The following TBRG1 variants were observed in gnomAD, a reference collection of about 807,000 sequenced individuals.
TBRG1 encodes transforming growth factor beta regulator 1.
Under a neutral mutation model 44.0 loss-of-function variants are expected in TBRG1, and 31 were observed. The ratio of observed to expected loss-of-function variants is 0.70; its 90% CI spans 0.53 to 0.95. TBRG1 has a LOEUF of 0.95. Ranked by LOEUF, TBRG1 falls within the 40% of genes least tolerant of loss-of-function variation. TBRG1 has a pLI of 0.00. For missense variants in TBRG1, 487 were observed against 496.1 expected (o/e 0.98, Z 0.18); for synonymous variants, 171 against 188.1 (o/e 0.91, Z 0.74).
intron 1 of TBRG1, among the ~76,000 whole-genome samples, chr11:124,624,714 C>T (rs1942419551): frequency 6.6e-6 from 1 of 152,098 alleles, no homozygotes; most frequent in Non-Finnish European, 1.5e-5. Context: ...TCAAAGATGT[C>T]CCGGATTGGA....
intron 1 of TBRG1, among the ~76,000 whole-genome samples, chr11:124,624,509 A>G (rs1388931404): frequency 6.6e-6 from 1 of 152,174 alleles, no homozygotes; most frequent in Non-Finnish European, 1.5e-5. Flanking sequence ...AAGTTTTTCA[A>G]GAGTTGAGGC....
At chr11:124,630,939 CCTT>C in intron 7 of TBRG1, 84 bp downstream of exon 7, 2 of 1,000,712 alleles carry the variant, frequency 2.0e-6, no homozygotes, top group Non-Finnish European at 3.1e-6. Context: ...TGTTCACTGA[CCTT>C]CTGTGTCCAA....
chr11:124,622,914 T>C lies in TBRG1; in HGVS notation c.-170T>C. ...TGGGAGGCGCCGGGAGCCCGTTCGG[T>C]TGCGGGTGTCTCTGGCCCTGCGGTC... is the stretch of plus-strand genomic sequence containing the variant. On this transcript the variant is annotated 5_prime_UTR_variant, in exon 1 of 9. Transcript: ENST00000441174. 2.9e-6 allele frequency: 2 copies of C among 679,474 alleles called. No individual in the cohort carries two copies. Among genetic ancestry groups the C allele is most frequent in the South Asian group, 4.2e-5 (2 of 47,292 alleles). 42.1% of individuals were successfully genotyped at this position (679,474 alleles called of 1,614,324 possible). A position where few individuals can be genotyped will look rare whatever the true frequency, so the allele number is the denominator to read the frequency against.
chr11:124,624,846 G>A, intron 1 of TBRG1, 85 bp from the exon 2 acceptor site: 3 of 951,968 alleles, frequency 3.2e-6, no homozygotes, highest in East Asian at 2.7e-5. Flanking sequence ...AGCTTTTTTG[G>A]TTTGAAATAT....
At chr11:124,625,319 G>C (rs1942440249) in intron 2 of TBRG1, among the ~76,000 whole-genome samples, 1 of 152,162 alleles carries the variant, frequency 6.6e-6, no homozygotes, top group South Asian at 2.1e-4. Context: ...AGTGATAAAA[G>C]CAACTGCCTC....
chr11:124,626,008 TCTC>T, intron 3 of TBRG1, 105 bp downstream of exon 3: 4 of 1,405,294 alleles, frequency 2.8e-6, no homozygotes, highest in African/African-American at 2.9e-5. Context: ...GTACTTAGAG[TCTC>T]ATCTGGTTCT....
rs969534213 is a variant in TBRG1, at chr11:124,635,473, T to G, written c.*3235T>G. The stretch of plus-strand genomic sequence containing the variant: ...GTAGAACTAAAGCAAAAACCATCAT[T>G]CACCCTACAGAGTATTATAAATTTC... On this transcript the variant is annotated 3_prime_UTR_variant, in exon 9 of 9. Coordinates refer to ENST00000441174, the MANE Select transcript of TBRG1 (RefSeq NM_032811.3). 9.2e-5 allele frequency: 14 copies of G among 152,164 alleles called. No homozygotes were observed. Among genetic ancestry groups the G allele is most frequent in the Non-Finnish European group, 1.6e-4 (11 of 68,026 alleles). 9.4% of individuals were successfully genotyped at this position (152,164 alleles called of 1,614,324 possible).
chr11:124,627,397 G>C (rs1002453009), intron 5 of TBRG1, among the ~76,000 whole-genome samples: 1 of 152,166 alleles, frequency 6.6e-6, no homozygotes, highest in African/African-American at 2.4e-5. Flanking sequence ...TTTCAAGTTG[G>C]ACCAAGATGG....
At chr11:124,628,095 A>ATATATG (rs1942518045) in intron 5 of TBRG1, among the ~76,000 whole-genome samples, 1 of 78,718 alleles carries the variant, frequency 1.3e-5, no homozygotes, top group Non-Finnish European at 2.4e-5. Context: ...ATATATATAT[A>ATATATG]TATATATATA....
In TBRG1 at chr11:124,631,282, T is replaced by G. The variant is rs1396467231; in HGVS notation, c.955T>G (p.Trp319Gly). 6.3e-7 allele frequency: 1 copy of G among 1,578,874 alleles called. No individual in the cohort carries two copies. The highest frequency in any genetic ancestry group is 1.8e-5 in the Admixed American group (1 of 54,122). Residue 319 changes from tryptophan (W) to glycine (G), a missense_variant, in exon 8 of 9, where the codon TGG becomes GGG. Physicochemically the swap from Trp to Gly is radical, Grantham distance 184. Transcript: ENST00000441174. ...TTTCCCTTGATTCTGCAGTTACCAG[T>G]GGGTGAAATTTGATGTGTGCAAACC... ...PGARKCINYQWVKFDVCKPGD... is the reference protein window; with the variant it reads ...PGARKCINYQGVKFDVCKPGD...
At chr11:124,626,426 A>C in intron 3 of TBRG1, 47 bp from the exon 4 acceptor site, 1 of 1,463,004 alleles carries the variant, frequency 6.8e-7, no homozygotes, top group South Asian at 1.4e-5. Context: ...CCTTCCCTTC[A>C]ACATTGGAAG....
chr11:124,629,060 T>G (rs1209103780), intron 5 of TBRG1, among the ~76,000 whole-genome samples: 2 of 152,220 alleles, frequency 1.3e-5, no homozygotes, highest in African/African-American at 4.8e-5. Flanking sequence ...GTATAACATT[T>G]CTATCTTTAA....
chr11:124,623,499 A>G (rs995007807), intron 1 of TBRG1: 4 of 524,810 alleles, frequency 7.6e-6, no homozygotes, highest in Non-Finnish European at 1.4e-5. Flanking sequence ...CATACCAATA[A>G]ATTTTAGTCA....
chr11:124,631,415 C>T lies in TBRG1; in HGVS notation c.1088C>T (p.Pro363Leu). 1 of 1,613,888 alleles carries T rather than the reference C, an allele frequency of 6.2e-7. No individual in the cohort carries two copies. Among genetic ancestry groups the T allele is most frequent in the Non-Finnish European group, 8.5e-7 (1 of 1,179,834 alleles). The change falls in exon 8 of 9, where the codon CCA (proline) becomes CTA (leucine). Residue 363 changes from proline to leucine, a missense_variant and splice_region_variant. Coordinates refer to ENST00000441174, the MANE Select transcript of TBRG1 (RefSeq NM_032811.3). ...FDEDQNDPLL[P>L]GSLDLPELQP... ...GAAGATCAGAATGATCCCCTTCTGC[C>T]AGGTATCTTTAACTTTACCTTTCTG... is the stretch of plus-strand genomic sequence containing the variant.
rs1261883177 is a variant in TBRG1 at position 124,626,624 on chromosome 11, C to T, written c.591+15C>T. The T allele has an allele frequency of 5.2e-6, 8 of 1,551,090 alleles. No homozygotes were observed. Among genetic ancestry groups the T allele is most frequent in the Admixed American group, 3.9e-5 (2 of 50,976 alleles). ...GCCTGGGGGAGGTGAGTGAGACCAG[C>T]GATATATAGAGAGGAGAATCAGGGA... is the stretch of plus-strand genomic sequence containing the variant. On this transcript the variant is annotated intron_variant, in intron 4 of 8. Coordinates refer to ENST00000441174, the MANE Select transcript of TBRG1 (RefSeq NM_032811.3).
rs1202615353 is a variant in TBRG1, at chr11:124,635,917, G to A, written c.*3679G>A. The A allele has an allele frequency of 6.6e-6, 1 of 152,024 alleles. No individual in the cohort carries two copies. The highest frequency in any genetic ancestry group is 1.5e-5 in the Non-Finnish European group (1 of 68,004). The allele number at this position is 152,024 out of a possible 1,614,324, so 9.4% of individuals were successfully genotyped here. A position where few individuals can be genotyped will look rare whatever the true frequency, so the allele number is the denominator to read the frequency against. On this transcript the variant is annotated 3_prime_UTR_variant, in exon 9 of 9. Coordinates refer to ENST00000441174, the MANE Select transcript of TBRG1 (RefSeq NM_032811.3). The stretch of plus-strand genomic sequence containing the variant: ...GATTCTTAATAAACAAACACTGAAG[G>A]CCTCTTTCATATTTGTATCATCTGC...
intron 6 of TBRG1, 38 bp from the exon 7 acceptor site, chr11:124,630,707 C>T (rs200635425): frequency 6.9e-7 from 1 of 1,439,328 alleles, no homozygotes; most frequent in African/African-American, 1.4e-5. Flanking sequence ...TCATCTCCCG[C>T]TAAGCTCTCA....
chr11:124,630,634 T>C (rs1034606073), intron 6 of TBRG1, 111 bp from the exon 7 acceptor site: 2 of 1,022,326 alleles, frequency 2.0e-6, no homozygotes, highest in Admixed American at 4.0e-5. Context: ...AGCCTCCACA[T>C]TATCAAAGTC....
Position 124,625,866 on chromosome 11 carries a change from GA to G in TBRG1, c.423del (p.Glu142LysfsTer12). On this transcript the variant is annotated frameshift_variant, in exon 3 of 9. Coordinates refer to ENST00000441174, the MANE Select transcript of TBRG1 (RefSeq NM_032811.3). LOFTEE classifies it high-confidence loss of function. ...CATTTGGGAAGAAAACTAAGAAGGA[GA>G]AAAAAGAAAAAGGCAAAGAGAACAA... ...EPFGKKTKKE[K>X]KEKGKENNKL... 1 of 1,570,540 alleles carries G rather than the reference GA, an allele frequency of 6.4e-7. No homozygotes were observed. The highest frequency in any genetic ancestry group is 8.6e-7 in the Non-Finnish European group (1 of 1,162,032).
Sources: allele counts gnomAD v4.1 joint callset (sites outside exome capture counted in the v4.1 genomes callset), GRCh38; gene constraint gnomAD v4.1.1; transcripts MANE v1.5; gene names NCBI Gene and HGNC (gene_info 2026-07-23, HGNC 2026-07-21).